TMEM218: variants seen among roughly 807,000 people sequenced by gnomAD.
TMEM218 encodes the protein transmembrane protein 218.
TMEM218 carries 8 observed loss-of-function variants against 10.0 expected under a neutral mutation model. That is an observed-to-expected ratio of 0.80 (90% CI 0.47 to 1.44). The LOEUF (loss-of-function observed/expected upper bound fraction) is 1.44. Ranked by LOEUF, TMEM218 falls within the 40% of genes most tolerant of loss-of-function variation. The pLI is 0.00. For missense variants in TMEM218, 110 were observed against 140.1 expected (o/e 0.79, Z 1.08); for synonymous variants, 66 against 63.5 (o/e 1.04, Z -0.18).
At chr11:125,106,450 C>T (rs999031399) in intron 1 of TMEM218, among the ~76,000 whole-genome samples, 4 of 152,150 alleles carry the variant, frequency 2.6e-5, no homozygotes, top group Admixed American at 6.5e-5. Flanking sequence ...AGAAGTACTA[C>T]AATAAATGTA....
chr11:125,111,271 C>T (rs142142151), intron 1 of TMEM218, among the ~76,000 whole-genome samples: 3 of 152,314 alleles, frequency 2.0e-5, no homozygotes, highest in Non-Finnish European at 2.9e-5. Flanking sequence ...CACCTGGCCA[C>T]CTCCCAGGAG....
At chr11:125,101,922 A>T in intron 3 of TMEM218, 3 of 583,960 alleles carry the variant, frequency 5.1e-6, no homozygotes, top group Non-Finnish European at 8.4e-6. Context: ...CCACAGTTAG[A>T]ACTCAAGAAC....
chr11:125,101,745 G>A (rs1591384207), intron 3 of TMEM218: 1 of 498,798 alleles, frequency 2.0e-6, no homozygotes, highest in Non-Finnish European at 3.5e-6. Flanking sequence ...GGCAATGCCT[G>A]ATATAGAAAG....
intron 1 of TMEM218, among the ~76,000 whole-genome samples, chr11:125,111,107 G>A (rs1397513003): frequency 6.6e-6 from 1 of 152,076 alleles, no homozygotes; most frequent in African/African-American, 2.4e-5. Flanking sequence ...TGGGTTGGAA[G>A]CGCTGCAGAG....
chr11:125,098,536 C>G (rs1950070893), intron 4 of TMEM218, among the ~76,000 whole-genome samples: 1 of 152,188 alleles, frequency 6.6e-6, no homozygotes, highest in African/African-American at 2.4e-5. Flanking sequence ...AGCAACACCA[C>G]CAACCAAGTG....
intron 2 of TMEM218, 121 bp from the exon 3 acceptor site, chr11:125,102,438 C>T: frequency 6.7e-7 from 1 of 1,492,950 alleles, no homozygotes; most frequent in Non-Finnish European, 8.8e-7. Flanking sequence ...AATGTCCAGT[C>T]CCAGAGTCCC....
In TMEM218 at chr11:125,108,014, T is replaced by C. The variant is rs1385577730; in HGVS notation, c.-153+3525A>G. ...TCTCAATTTTCCTTAACCTATAAAT[T>C]CAATGCAATCCTAACCAAAGTCTAA... On this transcript the variant is annotated intron_variant, in intron 1 of 4. Transcript: ENST00000682305. This position sits in a 1 kb window ranked among gnomAD's most constrained non-coding sequence, Gnocchi z 5.3. 6.6e-6 allele frequency among the ~76,000 whole-genome samples: 1 copy of C among 152,030 alleles called. No individual in the cohort carries two copies. Among genetic ancestry groups the C allele is most frequent in the East Asian group, 1.9e-4 (1 of 5,196 alleles).
intron 3 of TMEM218, chr11:125,101,626 C>A: frequency 2.7e-6 from 2 of 731,250 alleles, no homozygotes; most frequent in Non-Finnish European, 4.3e-6. Context: ...GTTTTTAGAA[C>A]AGAATACTTT....
intron 1 of TMEM218, among the ~76,000 whole-genome samples, chr11:125,106,124 G>C (rs1952081850): frequency 6.6e-6 from 1 of 152,052 alleles, no homozygotes; most frequent in South Asian, 2.1e-4. Context: ...CAAGATGAAA[G>C]CATCTTGGAG....
At chr11:125,101,974 AAC>A (rs1950905009) in intron 3 of TMEM218, 156 bp downstream of exon 3, 5 of 847,662 alleles carry the variant, frequency 5.9e-6, no homozygotes, top group East Asian at 3.1e-5. Flanking sequence ...GAGCATAAAT[AAC>A]ACAGTTAGTG....
intron 4 of TMEM218, among the ~76,000 whole-genome samples, chr11:125,098,376 G>T (rs1310379037): frequency 6.6e-6 from 1 of 152,202 alleles, no homozygotes; most frequent in Admixed American, 6.5e-5. Context: ...AGGCCCCAAA[G>T]ATGTTGGTCT....
intron 1 of TMEM218, among the ~76,000 whole-genome samples, chr11:125,110,254 G>T (rs371588917): frequency 2.0e-5 from 3 of 152,276 alleles, no homozygotes; most frequent in African/African-American, 7.2e-5. Flanking sequence ...AGAAGTGATG[G>T]CTTGGCCAAC....
Position 125,095,159 on chromosome 11 carries a change from G to A in TMEM218, c.*2447C>T, listed in dbSNP as rs533564635. On this transcript the variant is annotated 3_prime_UTR_variant, in exon 5 of 5. Coordinates refer to ENST00000682305, the MANE Select transcript of TMEM218 (RefSeq NM_001258244.2). ...TTTTGTCAGGATACAATTTTAAGACGCCACGAAATAACCTATTTTCTTATA... is the reference window on the plus strand; with the variant it reads ...TTTTGTCAGGATACAATTTTAAGACACCACGAAATAACCTATTTTCTTATA... Among the ~76,000 whole-genome samples the A allele has an allele frequency of 2.6e-5, 4 of 152,100 alleles. No homozygotes were observed. The highest frequency in any genetic ancestry group is 5.9e-5 in the Non-Finnish European group (4 of 68,014).
intron 4 of TMEM218, among the ~76,000 whole-genome samples, chr11:125,100,370 A>G (rs1950511205): frequency 6.6e-6 from 1 of 152,224 alleles, no homozygotes. Flanking sequence ...AATGGTACCT[A>G]TGTCATACTA....
chr11:125,107,970 G>T (rs913199390), intron 1 of TMEM218, among the ~76,000 whole-genome samples: 7 of 150,864 alleles, frequency 4.6e-5, no homozygotes, highest in Non-Finnish European at 1.0e-4. Flanking sequence ...TCCCGGATGG[G>T]ATGGTTCAAT....
chr11:125,099,921 C>A (rs1230682225), intron 4 of TMEM218, among the ~76,000 whole-genome samples: 284 of 100,100 alleles, frequency 2.8e-3, no homozygotes, highest in Admixed American at 3.2e-3. Flanking sequence ...GAGACTGTCT[C>A]AAAAAAAAAA....
chr11:125,106,928 AAT>A (rs1344881654), intron 1 of TMEM218, among the ~76,000 whole-genome samples: 2 of 152,378 alleles, frequency 1.3e-5, no homozygotes, highest in Admixed American at 6.5e-5. Flanking sequence ...AATATCTGCC[AAT>A]AGAGTGGATA....
At position 125,097,024 on chromosome 11, in the gene TMEM218, G is replaced by A. The variant is rs1949734868; in HGVS notation, c.*582C>T. The A allele has an allele frequency of 6.6e-6, 1 of 152,214 alleles. No individual in the cohort carries two copies. Among genetic ancestry groups the A allele is most frequent in the African/African-American group, 2.4e-5 (1 of 41,450 alleles). The allele number at this position is 152,214 out of a possible 1,614,324, so 9.4% of individuals were successfully genotyped here. On this transcript the variant is annotated 3_prime_UTR_variant, in exon 5 of 5. Transcript: ENST00000682305. Reference sequence around the variant, plus strand: ...CCGTGGCCAAGAGTTCGAAGTGAAAGTCAGCCCTTTAGCTATTATTTATTG... The same window carrying A: ...CCGTGGCCAAGAGTTCGAAGTGAAAATCAGCCCTTTAGCTATTATTTATTG...
intron 4 of TMEM218, 29 bp downstream of exon 4, chr11:125,101,172 A>C: frequency 6.3e-7 from 1 of 1,585,296 alleles, no homozygotes; most frequent in Middle Eastern, 1.7e-4. Flanking sequence ...ATCACAGCTC[A>C]GGAGGCAAAA....
Sources: allele counts gnomAD v4.1 joint callset (sites outside exome capture counted in the v4.1 genomes callset), GRCh38; gene constraint gnomAD v4.1.1; non-coding constraint Gnocchi (gnomAD v3.1); transcripts MANE v1.5; gene names NCBI Gene and HGNC (gene_info 2026-07-23, HGNC 2026-07-21).